Variants in OSBPL10 observed in about 807,000 individuals in gnomAD.
The protein encoded by OSBPL10 is oxysterol-binding protein-related protein 10.
OSBPL10 carries 49 observed loss-of-function variants against 81.7 expected under a neutral mutation model. That is an observed-to-expected ratio of 0.60 (90% CI 0.48 to 0.76). OSBPL10 has a LOEUF of 0.76. OSBPL10 is among the 30% of genes least tolerant of loss of function. OSBPL10 has a pLI of 0.00. For synonymous variants in OSBPL10, 419 were observed against 383.6 expected (o/e 1.09, Z -1.08); for missense variants, 923 against 987.8 (o/e 0.93, Z 0.88).
At chr3:31,855,754 C>T (rs961257788) in intron 3 of OSBPL10, among the ~76,000 whole-genome samples, 1 of 152,088 alleles carries the variant, frequency 6.6e-6, no homozygotes, top group African/African-American at 2.4e-5. Context: ...GACCAGACAC[C>T]CCCACTCTGA....
At chr3:31,767,253 C>T (rs1394296079) in intron 4 of OSBPL10, among the ~76,000 whole-genome samples, 2 of 152,146 alleles carry the variant, frequency 1.3e-5, no homozygotes, top group African/African-American at 2.4e-5. Flanking sequence ...TCCCTCTGTT[C>T]ATGGGAATAA....
chr3:32,070,280 C>T (rs1283246016), intron 1 of OSBPL10, among the ~76,000 whole-genome samples: 1 of 152,180 alleles, frequency 6.6e-6, no homozygotes, highest in Non-Finnish European at 1.5e-5. Flanking sequence ...CCCCTTAAAA[C>T]TACCCCACTC....
At chr3:31,948,323 T>C (rs1040903244) in intron 1 of OSBPL10, among the ~76,000 whole-genome samples, 1 of 152,116 alleles carries the variant, frequency 6.6e-6, no homozygotes, top group African/African-American at 2.4e-5. Context: ...CTGGAAACCA[T>C]CCAGGAAGTT....
chr3:31,662,759 G>A, intron 11 of OSBPL10: 1 of 985,428 alleles, frequency 1.0e-6, no homozygotes, highest in African/African-American at 1.7e-5. Context: ...AACTGTAAAT[G>A]TTTTTTCTTG....
intron 3 of OSBPL10, among the ~76,000 whole-genome samples, chr3:31,861,798 T>G (rs1446382682): frequency 6.6e-6 from 1 of 152,194 alleles, no homozygotes; most frequent in African/African-American, 2.4e-5. Context: ...CTGGGTGGCA[T>G]CACCTCGGGT....
chr3:31,859,723 C>T (rs1310145355), intron 3 of OSBPL10, among the ~76,000 whole-genome samples: 2 of 152,210 alleles, frequency 1.3e-5, no homozygotes, highest in Non-Finnish European at 2.9e-5. Context: ...TGAACCTCTC[C>T]CAGGCTCCTT....
At chr3:31,979,059 A>G (rs1372434012) in intron 1 of OSBPL10, among the ~76,000 whole-genome samples, 1 of 152,200 alleles carries the variant, frequency 6.6e-6, no homozygotes, top group Non-Finnish European at 1.5e-5. Context: ...AAGAAAAAGC[A>G]TTAAGTGATT....
intron 4 of OSBPL10, among the ~76,000 whole-genome samples, chr3:31,773,266 A>AT (rs1698434857): frequency 6.6e-6 from 1 of 152,200 alleles, no homozygotes; most frequent in South Asian, 2.1e-4. Flanking sequence ...CAGCTGCACT[A>AT]TAACTCACAC....
At chr3:31,804,361 T>TA (rs1379558404) in intron 4 of OSBPL10, among the ~76,000 whole-genome samples, 3 of 152,120 alleles carry the variant, frequency 2.0e-5, no homozygotes, top group African/African-American at 7.2e-5. Flanking sequence ...AAGGAGAGGT[T>TA]AAAAAACCCT....
intron 4 of OSBPL10, among the ~76,000 whole-genome samples, chr3:31,824,763 G>T (rs536692953): frequency 6.6e-6 from 1 of 151,934 alleles, no homozygotes; most frequent in Non-Finnish European, 1.5e-5. Flanking sequence ...CTCCTCCTTG[G>T]CTGTTTCTGG....
At chr3:32,067,988 C>A (rs1460858898) in intron 1 of OSBPL10, among the ~76,000 whole-genome samples, 1 of 152,196 alleles carries the variant, frequency 6.6e-6, no homozygotes, top group Non-Finnish European at 1.5e-5. Flanking sequence ...CCTGTCCTCA[C>A]CCTCACTCTG....
intron 4 of OSBPL10, among the ~76,000 whole-genome samples, chr3:31,761,478 A>C (rs79856719): frequency 1.7e-4 from 26 of 150,486 alleles, no homozygotes; most frequent in African/African-American, 6.4e-4. Context: ...TTTCAAAAAA[A>C]AAAAAAAAAA....
intron 1 of OSBPL10, among the ~76,000 whole-genome samples, chr3:31,883,034 AG>A (rs1695633033): frequency 1.3e-5 from 2 of 152,116 alleles, no homozygotes; most frequent in Admixed American, 1.3e-4. Flanking sequence ...TGCCTTGAGG[AG>A]TGTCTTCCAC....
intron 2 of OSBPL10, among the ~76,000 whole-genome samples, chr3:32,009,217 T>C: frequency 6.6e-6 from 1 of 152,228 alleles, no homozygotes; most frequent in East Asian, 1.9e-4. Context: ...AAGGAATCCT[T>C]TTCCAAGGCC....
intron 2 of OSBPL10, among the ~76,000 whole-genome samples, chr3:31,992,145 C>CA (rs527764918): frequency 0.11 from 6,900 of 65,164 alleles, 511 homozygotes; most frequent in African/African-American, 0.25. Flanking sequence ...GACTCCATCT[C>CA]AAAAAAAAAA....
intron 2 of OSBPL10, 77 bp from the exon 3 acceptor site, chr3:31,876,589 C>CT (rs1338573719): frequency 7.9e-7 from 1 of 1,259,982 alleles, no homozygotes; most frequent in Admixed American, 1.8e-5. Context: ...CTACACCCAC[C>CT]TAAGGGGGTG....
intron 2 of OSBPL10, among the ~76,000 whole-genome samples, chr3:32,005,739 C>T (rs1299667802): frequency 1.3e-5 from 2 of 151,836 alleles, no homozygotes; most frequent in South Asian, 2.1e-4. Context: ...AGGCACCTGC[C>T]GCCATGCCCA....
intron 4 of OSBPL10, among the ~76,000 whole-genome samples, chr3:31,784,778 C>T (rs911948812): frequency 1.5e-4 from 23 of 151,412 alleles, no homozygotes; most frequent in African/African-American, 5.6e-4. Context: ...AGATGGGGTT[C>T]CACCACGTTG....
chr3:31,669,864 A>G (rs1212951800), intron 9 of OSBPL10, among the ~76,000 whole-genome samples: 6 of 152,212 alleles, frequency 3.9e-5, no homozygotes, highest in African/African-American at 1.4e-4. Flanking sequence ...GAGCCTAAAA[A>G]CAGTCACAGT....
Sources: gnomAD v4.1 joint callset for allele counts (sites outside exome capture counted in the v4.1 genomes callset) on GRCh38, gnomAD v4.1.1 for gene constraint, MANE v1.5 for transcripts, NCBI Gene and HGNC (gene_info 2026-07-23, HGNC 2026-07-21) for gene names.